The following VPS13B variants were observed in gnomAD, a reference collection of about 807,000 sequenced individuals.
The protein encoded by VPS13B is vacuolar protein sorting 13 homolog B.
A neutral mutation model predicts 426.4 loss-of-function variants in VPS13B; 285 were observed. That is an observed-to-expected ratio of 0.67 (90% CI 0.61 to 0.74). The LOEUF (loss-of-function observed/expected upper bound fraction) is 0.74. Ranked by LOEUF, VPS13B falls within the 30% of genes least tolerant of loss-of-function variation. The pLI is 0.00. For synonymous variants in VPS13B, 1,676 were observed against 1,676.4 expected, an observed-to-expected ratio of 1.00 and a Z score of 0.01; for missense variants, 4,537 against 4,782.6, an observed-to-expected ratio of 0.95 and a Z score of 1.51.
intron 17 of VPS13B, among the ~76,000 whole-genome samples, chr8:99,256,446 A>G (rs1468288896): frequency 1.3e-5 from 2 of 152,162 alleles, no homozygotes; most frequent in African/African-American, 4.8e-5. Context: ...TGGTAGTTCT[A>G]TGTTTAATTT....
intron 49 of VPS13B, among the ~76,000 whole-genome samples, chr8:99,820,412 A>G (rs542927552): frequency 1.3e-5 from 2 of 152,262 alleles, no homozygotes; most frequent in South Asian, 2.1e-4. Flanking sequence ...GGGCTGCTCT[A>G]TCAGTACATA....
In VPS13B at chr8:99,499,575, G is replaced by C. The variant is rs144263814; in HGVS notation, c.3871-2112G>C. Among the ~76,000 whole-genome samples the C allele has an allele frequency of 2.0e-5, 3 of 152,162 alleles. No homozygotes were observed. The East Asian group carries it at 5.8e-4, about 29-fold the overall frequency. ...TTTATTTAATAAGCATCCTTATCTG[G>C]AATTAGTTTATGCTTTTTATTAGAT... On this transcript the variant is annotated intron_variant, in intron 25 of 61. Coordinates refer to ENST00000357162, the MANE Select transcript of VPS13B (RefSeq NM_152564.5).
intron 35 of VPS13B, among the ~76,000 whole-genome samples, chr8:99,687,421 A>C (rs1319697892): frequency 6.6e-6 from 1 of 151,970 alleles, no homozygotes; most frequent in Non-Finnish European, 1.5e-5. Context: ...CCAGAATTGC[A>C]GTTCTTGTGG....
intron 7 of VPS13B, among the ~76,000 whole-genome samples, chr8:99,119,150 A>G (rs1288429660): frequency 2.0e-5 from 3 of 152,156 alleles, no homozygotes; most frequent in Non-Finnish European, 4.4e-5. Flanking sequence ...TAATGTGATT[A>G]TCGGCCTTTA....
At chr8:99,270,131 C>CTTTTTTTTT (rs71273170) in intron 17 of VPS13B, among the ~76,000 whole-genome samples, 776 of 30,302 alleles carry the variant, frequency 0.026, 341 homozygotes, top group Non-Finnish European at 0.028. Context: ...ATATAAGAAT[C>CTTTTTTTTT]TTTTTTTTTT....
chr8:99,426,238 G>A (rs1428200865), intron 21 of VPS13B, among the ~76,000 whole-genome samples: 3 of 135,244 alleles, frequency 2.2e-5, no homozygotes, highest in African/African-American at 8.5e-5. Flanking sequence ...CAAAGGACAT[G>A]AACTCATCAT....
At chr8:99,873,019 T>TA (rs1817508054) in intron 61 of VPS13B, among the ~76,000 whole-genome samples, 1 of 152,218 alleles carries the variant, frequency 6.6e-6, no homozygotes, top group Non-Finnish European at 1.5e-5. Context: ...AGGCTGACTT[T>TA]ATTAGATCTG....
intron 54 of VPS13B, among the ~76,000 whole-genome samples, chr8:99,837,664 T>C (rs1815464992): frequency 6.6e-6 from 1 of 152,200 alleles, no homozygotes; most frequent in Non-Finnish European, 1.5e-5. Flanking sequence ...TTAGGAGCTG[T>C]GTGCCATATG....
chr8:99,742,028 A>G (rs2130480098), intron 39 of VPS13B, among the ~76,000 whole-genome samples: 1 of 152,338 alleles, frequency 6.6e-6, no homozygotes, highest in South Asian at 2.1e-4. Flanking sequence ...AAATCAATGA[A>G]TCCAGGAGCT....
At chr8:99,023,301 T>C (rs1841989006) in intron 2 of VPS13B, among the ~76,000 whole-genome samples, 1 of 152,058 alleles carries the variant, frequency 6.6e-6, no homozygotes, top group Admixed American at 6.6e-5. Context: ...TCTACTTCTA[T>C]GATATCAACT....
chr8:99,366,975 T>C (rs1321447383), intron 19 of VPS13B, among the ~76,000 whole-genome samples: 1 of 152,222 alleles, frequency 6.6e-6, no homozygotes, highest in Non-Finnish European at 1.5e-5. Context: ...TGAAAAGTTA[T>C]TGTAGTTATT....
intron 21 of VPS13B, among the ~76,000 whole-genome samples, chr8:99,423,742 A>T (rs553910267): frequency 6.6e-6 from 1 of 152,298 alleles, no homozygotes; most frequent in Non-Finnish European, 1.5e-5. Flanking sequence ...GATGAAAAGT[A>T]TGTCTGGTTT....
intron 30 of VPS13B, among the ~76,000 whole-genome samples, chr8:99,540,048 TATATATATATATATA>T (rs1455637980): frequency 0.024 from 124 of 5,216 alleles, 1 homozygote; most frequent in East Asian, 0.043. Context: ...TATATATATA[TATATATATATATATA>T]TTTTTTTTTT....
At chr8:99,389,079 G>A (rs1444530279) in intron 20 of VPS13B, among the ~76,000 whole-genome samples, 1 of 152,066 alleles carries the variant, frequency 6.6e-6, no homozygotes, top group Non-Finnish European at 1.5e-5. Flanking sequence ...AACCCGGAGG[G>A]CAGATGTTGC....
intron 39 of VPS13B, among the ~76,000 whole-genome samples, chr8:99,737,193 T>C (rs533327812): frequency 2.1e-4 from 28 of 134,578 alleles, no homozygotes; most frequent in African/African-American, 7.8e-4. Context: ...CGATCTCTGC[T>C]CACTGCAAGC....
chr8:99,396,653 A>T (rs1253160268), intron 21 of VPS13B, among the ~76,000 whole-genome samples: 1 of 152,122 alleles, frequency 6.6e-6, no homozygotes, highest in African/African-American at 2.4e-5. Context: ...ATTACTCTAA[A>T]TTTGCAGCCC....
chr8:99,319,795 G>A (rs1809876492), intron 19 of VPS13B, among the ~76,000 whole-genome samples: 2 of 152,056 alleles, frequency 1.3e-5, no homozygotes, highest in Non-Finnish European at 2.9e-5. Context: ...CAAGATAATC[G>A]ACCTTTTACA....
At chr8:99,659,252 T>A (rs1830133668) in intron 34 of VPS13B, among the ~76,000 whole-genome samples, 1 of 152,196 alleles carries the variant, frequency 6.6e-6, no homozygotes. Flanking sequence ...CCATTTGCTT[T>A]TATTGTTTTG....
At chr8:99,465,859 A>C (rs1485832722) in intron 23 of VPS13B, among the ~76,000 whole-genome samples, 1 of 152,098 alleles carries the variant, frequency 6.6e-6, no homozygotes, top group Non-Finnish European at 1.5e-5. Flanking sequence ...CATTGTTTCC[A>C]GTCAAGTTAT....
Sources: gnomAD v4.1 joint callset for allele counts (sites outside exome capture counted in the v4.1 genomes callset) on GRCh38, gnomAD v4.1.1 for gene constraint, MANE v1.5 for transcripts, NCBI Gene and HGNC (gene_info 2026-07-23, HGNC 2026-07-21) for gene names.